HTR1F: variants seen among roughly 807,000 people sequenced by gnomAD.
HTR1F encodes 5-hydroxytryptamine receptor 1F, also known as 5-hydroxytryptamine (serotonin) receptor 1F, G protein-coupled.
HTR1F carries 17 observed loss-of-function variants against 24.0 expected under a neutral mutation model. The observed-to-expected ratio is 0.71, with a 90% CI of 0.48 to 1.06. The LOEUF (loss-of-function observed/expected upper bound fraction) is 1.06. Ranked by LOEUF, HTR1F falls within the 50% of genes least tolerant of loss-of-function variation. The pLI, the probability that HTR1F is intolerant of heterozygous loss-of-function variation, is 0.00. For missense variants in HTR1F, 391 were observed against 427.8 expected, an observed-to-expected ratio of 0.91 and a Z score of 0.76; for synonymous variants, 186 against 156.8, an observed-to-expected ratio of 1.19 and a Z score of -1.39.
intron 2 of HTR1F, among the ~76,000 whole-genome samples, chr3:87,936,234 C>T (rs764079823): frequency 2.6e-5 from 4 of 152,166 alleles, no homozygotes; most frequent in Non-Finnish European, 5.9e-5. Context: ...AGAAGTTTTA[C>T]ACAAGAATAA....
intron 1 of HTR1F, among the ~76,000 whole-genome samples, chr3:87,812,607 G>C (rs1704180531): frequency 6.6e-6 from 1 of 152,194 alleles, no homozygotes; most frequent in Non-Finnish European, 1.5e-5. Context: ...ATTTGCATAG[G>C]TAATGAGGAG....
At position 87,991,862 on chromosome 3, in the gene HTR1F, T is replaced by C. The variant is rs1705844058; in HGVS notation, c.*12T>C. 4.5e-6 allele frequency: 7 copies of C among 1,542,206 alleles called. No individual in the cohort carries two copies. The South Asian group carries it at 9.0e-5, about 20-fold the overall frequency. ...GATGTCGATGTTAGTTTTAAAAATGTTTATTATTGAAGGATGGGGGTTTTT... is the reference window on the plus strand; with the variant it reads ...GATGTCGATGTTAGTTTTAAAAATGCTTATTATTGAAGGATGGGGGTTTTT... On this transcript the variant is annotated 3_prime_UTR_variant, in exon 3 of 3. Coordinates refer to ENST00000319595, the MANE Select transcript of HTR1F (RefSeq NM_001322209.2).
chr3:87,934,054 C>A (rs1189513730), intron 2 of HTR1F, among the ~76,000 whole-genome samples: 2 of 152,150 alleles, frequency 1.3e-5, no homozygotes, highest in Non-Finnish European at 2.9e-5. Flanking sequence ...ATATCTGGTT[C>A]GTCTTTGGCC....
At chr3:87,829,993 A>C (rs1704543405) in intron 2 of HTR1F, among the ~76,000 whole-genome samples, 1 of 152,190 alleles carries the variant, frequency 6.6e-6, no homozygotes, top group African/African-American at 2.4e-5. Context: ...TGTGATGTAT[A>C]CAATAGTATT....
chr3:87,990,989 C>T lies in HTR1F; in HGVS notation c.240C>T (p.Ser80=). Residue 80 remains serine (S), a synonymous_variant, in exon 3 of 3, where the codon AGC becomes AGT. Coordinates refer to ENST00000319595, the MANE Select transcript of HTR1F (RefSeq NM_001322209.2). The part of the protein sequence containing the change: ...FLVAVLVMPF[S]IVYIVRESWI... ...TGGCTGTCCTGGTGATGCCCTTCAG[C>T]ATTGTGTATATTGTGAGAGAGAGCT... 2 of 1,614,164 alleles carry T rather than the reference C, an allele frequency of 1.2e-6. No individual in the cohort carries two copies. The highest frequency in any genetic ancestry group is 1.7e-6 in the Non-Finnish European group (2 of 1,180,024).
At chr3:87,921,607 T>A (rs767130894) in intron 2 of HTR1F, among the ~76,000 whole-genome samples, 1 of 151,896 alleles carries the variant, frequency 6.6e-6, no homozygotes, top group African/African-American at 2.4e-5. Flanking sequence ...TCTTTAGCTA[T>A]TTAAAACTAT....
chr3:87,901,464 C>T (rs1706321370), intron 2 of HTR1F, among the ~76,000 whole-genome samples: 3 of 152,092 alleles, frequency 2.0e-5, no homozygotes, highest in Admixed American at 2.0e-4. Context: ...TGATCTGGGA[C>T]TTCGAGCCTC....
intron 2 of HTR1F, among the ~76,000 whole-genome samples, chr3:87,929,712 A>G (rs1340068685): frequency 1.3e-5 from 2 of 152,116 alleles, no homozygotes; most frequent in Non-Finnish European, 2.9e-5. Context: ...GCCTTGTAAG[A>G]TAGTTTGATA....
At chr3:87,870,191 A>T (rs1191140414) in intron 2 of HTR1F, among the ~76,000 whole-genome samples, 2 of 152,068 alleles carry the variant, frequency 1.3e-5, no homozygotes, top group East Asian at 3.9e-4. Flanking sequence ...TTTAGTAATA[A>T]AAGTGAGGTC....
intron 2 of HTR1F, among the ~76,000 whole-genome samples, chr3:87,927,416 A>G (rs2107394094): frequency 6.6e-6 from 1 of 152,294 alleles, no homozygotes; most frequent in South Asian, 2.1e-4. Context: ...CATATTTTGA[A>G]TGTTCCCAGT....
At chr3:87,826,807 C>T (rs1341795646) in intron 2 of HTR1F, among the ~76,000 whole-genome samples, 1 of 151,830 alleles carries the variant, frequency 6.6e-6, no homozygotes, top group Non-Finnish European at 1.5e-5. Context: ...GTGTTGCTAT[C>T]ATTATTATTA....
intron 2 of HTR1F, among the ~76,000 whole-genome samples, chr3:87,827,660 A>G (rs192867510): frequency 1.1e-4 from 17 of 152,350 alleles, no homozygotes; most frequent in Admixed American, 1.0e-3. Context: ...AAATAAATGA[A>G]TTGGAAAGCA....
At chr3:87,925,161 A>C (rs905339742) in intron 2 of HTR1F, among the ~76,000 whole-genome samples, 1 of 152,020 alleles carries the variant, frequency 6.6e-6, no homozygotes, top group Non-Finnish European at 1.5e-5. Flanking sequence ...TTGAGGCAGC[A>C]GTGTGGCTTT....
intron 2 of HTR1F, among the ~76,000 whole-genome samples, chr3:87,978,643 G>A (rs1232488595): frequency 6.6e-6 from 1 of 151,964 alleles, no homozygotes; most frequent in African/African-American, 2.4e-5. Flanking sequence ...GAGTCCAGGA[G>A]TGGATAGCTC....
intron 2 of HTR1F, among the ~76,000 whole-genome samples, chr3:87,864,869 C>T (rs1400939379): frequency 6.8e-6 from 1 of 146,250 alleles, no homozygotes; most frequent in African/African-American, 2.6e-5. Context: ...GCATTCCAGC[C>T]TGGGTGAGCA....
At chr3:87,809,651 T>A (rs185589131) in intron 1 of HTR1F, among the ~76,000 whole-genome samples, 125 of 152,182 alleles carry the variant, frequency 8.2e-4, no homozygotes, top group African/African-American at 2.9e-3. Context: ...TTGTATCTGA[T>A]TGCTAGAGAT....
At chr3:87,855,099 C>A (rs959780726) in intron 2 of HTR1F, among the ~76,000 whole-genome samples, 2 of 152,012 alleles carry the variant, frequency 1.3e-5, no homozygotes, top group African/African-American at 4.8e-5. Context: ...GCTCCACTTG[C>A]CCAGTCAATA....
chr3:87,827,685 A>G (rs1349668943), intron 2 of HTR1F, among the ~76,000 whole-genome samples: 2 of 152,346 alleles, frequency 1.3e-5, no homozygotes, highest in East Asian at 3.9e-4. Context: ...AGCAAAATTT[A>G]ACAACCTTCA....
chr3:87,836,617 C>G (rs1258409428), intron 2 of HTR1F, among the ~76,000 whole-genome samples: 2 of 152,082 alleles, frequency 1.3e-5, no homozygotes, highest in Non-Finnish European at 2.9e-5. Context: ...GTTGACATCT[C>G]CCATCAGATT....
Sources: gnomAD v4.1 joint callset for allele counts (sites outside exome capture counted in the v4.1 genomes callset) on GRCh38, gnomAD v4.1.1 for gene constraint, MANE v1.5 for transcripts, NCBI Gene and HGNC (gene_info 2026-07-23, HGNC 2026-07-21) for gene names.